RBBP8NL: variants seen among roughly 807,000 people sequenced by gnomAD.
RBBP8NL encodes RBBP8 N-terminal-like protein.
Under a neutral mutation model 62.2 loss-of-function variants are expected in RBBP8NL, and 59 were observed. The observed-to-expected ratio is 0.95, with a 90% CI of 0.77 to 1.18. The LOEUF is 1.18. Ranked by LOEUF, RBBP8NL falls within the 50% of genes most tolerant of loss-of-function variation. The probability of loss-of-function intolerance (pLI) is 0.00; values close to 1 mark genes in which losing one functional copy is unlikely to be tolerated. For synonymous variants in RBBP8NL, 412 were observed against 394.1 expected, an observed-to-expected ratio of 1.05 and a Z score of -0.54; for missense variants, 896 against 899.5, an observed-to-expected ratio of 1.00 and a Z score of 0.05.
intron 5 of RBBP8NL, 48 bp downstream of exon 5, chr20:62,416,712 C>G: frequency 7.3e-7 from 1 of 1,376,252 alleles, no homozygotes. Flanking sequence ...CCTGGGGTCG[C>G]CTGGCCCCGT....
intron 2 of RBBP8NL, among the ~76,000 whole-genome samples, 200 bp from the exon 3 acceptor site, chr20:62,418,665 T>C (rs1988634590): frequency 6.6e-6 from 1 of 152,070 alleles, no homozygotes; most frequent in Admixed American, 6.5e-5. Context: ...TAGCATCTGT[T>C]GCTTCCCCTG....
chr20:62,419,833 C>A, intron 1 of RBBP8NL, 103 bp from the exon 2 acceptor site: 2 of 609,310 alleles, frequency 3.3e-6, no homozygotes. Context: ...GGAGCAGACC[C>A]CATGCCATGC....
chr20:62,419,574 C>G lies in RBBP8NL; in HGVS notation c.61+13G>C. 6.2e-7 allele frequency: 1 copy of G among 1,613,456 alleles called. No homozygotes were observed. On this transcript the variant is annotated intron_variant, in intron 2 of 13. Coordinates refer to ENST00000252998, the MANE Select transcript of RBBP8NL (RefSeq NM_080833.3). ...ACCCCTCCCTAGCCTGGCATCTGTCCCTGGCCCCTCACCCAGGACTTCCTT... is the reference window on the plus strand; with the variant it reads ...ACCCCTCCCTAGCCTGGCATCTGTCGCTGGCCCCTCACCCAGGACTTCCTT...
Position 62,415,593 on chromosome 20 carries a change from C to T in RBBP8NL, c.612G>A (p.Ser204=), listed in dbSNP as rs140889626. ...CTGCCCTTACCATGTCTGGGGCTCGCGACTCAGGCAGGGTGGCCCCTGGGG... is the reference window on the plus strand; with the variant it reads ...CTGCCCTTACCATGTCTGGGGCTCGTGACTCAGGCAGGGTGGCCCCTGGGG... ...KISPGATLPE[S]RAPDMSPQRI... is the part of the protein sequence containing the mutation. The change falls in exon 8 of 14, where the codon TCG becomes TCA. Residue 204 remains serine, a synonymous_variant. Transcript: ENST00000252998. The T allele has an allele frequency of 5.5e-4, 881 of 1,612,860 alleles. 2 individuals are homozygous for T. The African/African-American group carries it at 6.7e-3, about 12-fold the overall frequency.
At chr20:62,411,069 G>T in intron 13 of RBBP8NL, 73 bp from the exon 14 acceptor site, 1 of 967,856 alleles carries the variant, frequency 1.0e-6, no homozygotes, top group South Asian at 1.4e-5. Context: ...CTCACCTAGG[G>T]CCTCCTGGGT....
At chr20:62,426,524 A>C (rs1004656742) in intron 1 of RBBP8NL, among the ~76,000 whole-genome samples, 1 of 152,266 alleles carries the variant, frequency 6.6e-6, no homozygotes, top group Non-Finnish European at 1.5e-5. Flanking sequence ...GGCTTGAAGC[A>C]GATCAGAGAT....
chr20:62,412,663 G>A lies in RBBP8NL; in HGVS notation c.1837C>T (p.Pro613Ser). 6.2e-7 allele frequency: 1 copy of A among 1,607,758 alleles called. No individual in the cohort carries two copies. Among genetic ancestry groups the A allele is most frequent in the Non-Finnish European group, 8.5e-7 (1 of 1,179,930 alleles). ...TCCGAGGCCCGCTTCCTCTTCCGTGGTGGACCCTGCCCGTGCTCCTGGGTG... is the reference window on the plus strand; with the variant it reads ...TCCGAGGCCCGCTTCCTCTTCCGTGATGGACCCTGCCCGTGCTCCTGGGTG... Reference protein sequence around the residue: ...ICTQEHGQGPPRKRKRASEPG... With the variant: ...ICTQEHGQGPSRKRKRASEPG... The change falls in exon 13 of 14, where the codon CCA becomes TCA. Residue 613 changes from proline (P) to serine (S), a missense_variant. Physicochemically the swap from Pro to Ser is moderately conservative, Grantham distance 74. Coordinates refer to ENST00000252998, the MANE Select transcript of RBBP8NL (RefSeq NM_080833.3).
rs994452695 is a variant in RBBP8NL at position 62,410,735 on chromosome 20, T to C, written c.*143A>G. ...AGGCAGAGAGCTGCCCTGGGCTCAC[T>C]GTGGGTTCAGCTGAGGCTGGCTAGG... On this transcript the variant is annotated 3_prime_UTR_variant, in exon 14 of 14. Coordinates refer to ENST00000252998, the MANE Select transcript of RBBP8NL (RefSeq NM_080833.3). The C allele has an allele frequency of 3.0e-6, 2 of 674,620 alleles. No homozygotes were observed. The highest frequency in any genetic ancestry group is 4.7e-5 in the Admixed American group (2 of 42,164). The allele number at this position is 674,620 out of a possible 1,614,324, so 41.8% of individuals were successfully genotyped here.
chr20:62,412,671 T>C lies in RBBP8NL; in HGVS notation c.1829A>G (p.Gln610Arg), dbSNP rs1463574192. 2.5e-6 allele frequency: 4 copies of C among 1,608,364 alleles called. No homozygotes were observed. The highest frequency in any genetic ancestry group is 1.7e-6 in the Non-Finnish European group (2 of 1,179,916). The change falls in exon 13 of 14, where the codon CAG becomes CGG. Residue 610 changes from glutamine to arginine, a missense_variant. Coordinates refer to ENST00000252998, the MANE Select transcript of RBBP8NL (RefSeq NM_080833.3). The part of the protein sequence containing the change: ...PECICTQEHG[Q>R]GPPRKRKRAS... ...CCGCTTCCTCTTCCGTGGTGGACCC[T>C]GCCCGTGCTCCTGGGTGCAGATGCA...
chr20:62,411,006 G>C lies in RBBP8NL; in HGVS notation c.1877-10C>G. 1 of 1,568,656 alleles carries C rather than the reference G, an allele frequency of 6.4e-7. No homozygotes were observed. The highest frequency in any genetic ancestry group is 8.8e-7 in the Non-Finnish European group (1 of 1,139,054). ...GATGGCTTTTTGGAGGCTATGGGAAGTGGCCGGAGGTCAGGCCGGAGCTGT... is the reference window on the plus strand; with the variant it reads ...GATGGCTTTTTGGAGGCTATGGGAACTGGCCGGAGGTCAGGCCGGAGCTGT... On this transcript the variant is annotated splice_polypyrimidine_tract_variant and intron_variant, in intron 13 of 13. Transcript: ENST00000252998.
At chr20:62,414,714 G>C (rs1042667297) in intron 9 of RBBP8NL, among the ~76,000 whole-genome samples, 158 bp from the exon 10 acceptor site, 2 of 152,222 alleles carry the variant, frequency 1.3e-5, no homozygotes, top group African/African-American at 4.8e-5. Context: ...GCAGGTAGTG[G>C]AGGGAGGGGA....
chr20:62,421,803 T>C (rs1262185548), intron 1 of RBBP8NL, among the ~76,000 whole-genome samples: 1 of 148,072 alleles, frequency 6.8e-6, no homozygotes. Context: ...CCTGAGCCAG[T>C]GTGCATGTGT....
At chr20:62,417,410 C>T (rs550539900) in intron 3 of RBBP8NL, 91 bp from the exon 4 acceptor site, 119 of 984,758 alleles carry the variant, frequency 1.2e-4, no homozygotes, top group Non-Finnish European at 1.6e-4. Flanking sequence ...CAGCGCGATT[C>T]GGCACCTGCA....
At chr20:62,421,030 G>A (rs1039014046) in intron 1 of RBBP8NL, among the ~76,000 whole-genome samples, 1 of 148,124 alleles carries the variant, frequency 6.8e-6, no homozygotes, top group African/African-American at 2.4e-5. Flanking sequence ...CGCTGTGACT[G>A]TCTGTCTGTC....
In RBBP8NL at chr20:62,415,633, G is replaced by A. The variant is rs1387815530; in HGVS notation, c.572C>T (p.Pro191Leu). ...EEKPAGHRTSPVAKISPGATL... is the reference protein window; with the variant it reads ...EEKPAGHRTSLVAKISPGATL... ...GGCCCCTGGGGAGATTTTGGCCACT[G>A]GAGATGTCCTGTGCCCTGCTGGCTT... is the stretch of plus-strand genomic sequence containing the variant. Residue 191 changes from proline to leucine, a missense_variant, in exon 8 of 14, where the codon CCA becomes CTA. By Grantham distance (98) the Pro-to-Leu change is moderately conservative. Transcript: ENST00000252998. 6.2e-7 allele frequency: 1 copy of A among 1,613,010 alleles called. No individual in the cohort carries two copies. The highest frequency in any genetic ancestry group is 8.5e-7 in the Non-Finnish European group (1 of 1,179,908).
intron 9 of RBBP8NL, among the ~76,000 whole-genome samples, chr20:62,414,820 C>T (rs1019728471): frequency 1.3e-5 from 2 of 152,192 alleles, no homozygotes; most frequent in Admixed American, 1.3e-4. Context: ...CCGAGGCCTC[C>T]GTGTCTTCTT....
At chr20:62,415,416 AC>A in intron 8 of RBBP8NL, 129 bp from the exon 9 acceptor site, 8 of 1,374,690 alleles carry the variant, frequency 5.8e-6, no homozygotes, top group Non-Finnish European at 7.9e-6. Flanking sequence ...CTGCACCCCC[AC>A]CCACGCCAAA....
chr20:62,412,868 ACT>A lies in RBBP8NL; in HGVS notation c.1706_1707del (p.Glu569ValfsTer6), dbSNP rs776007021. The A allele has an allele frequency of 1.4e-5, 22 of 1,613,322 alleles. No homozygotes were observed. The Admixed American group carries it at 3.7e-4, about 27-fold the overall frequency. ...GTGTCTGTCTCATCCAGTTCGTCGG[ACT>A]CTGGTCTCAGCACTTCAGCCTTGCT... ...EPSKAEVLRP[E>X]SDELDETDTP... On this transcript the variant is annotated frameshift_variant, in exon 12 of 14. Transcript: ENST00000252998. LOFTEE classifies it high-confidence loss of function.
intron 1 of RBBP8NL, among the ~76,000 whole-genome samples, chr20:62,423,965 G>T (rs891380938): frequency 4.6e-5 from 7 of 152,062 alleles, no homozygotes; most frequent in African/African-American, 1.7e-4. Flanking sequence ...GCTTGCCAAG[G>T]GCAGCTAGGG....
Sources: allele counts gnomAD v4.1 joint callset (sites outside exome capture counted in the v4.1 genomes callset), GRCh38; gene constraint gnomAD v4.1.1; transcripts MANE v1.5; gene names NCBI Gene and HGNC (gene_info 2026-07-23, HGNC 2026-07-21).